Variants in PHF19 observed in about 807,000 individuals in gnomAD.
The protein encoded by PHF19 is PHD finger protein 19.
Under a neutral mutation model 79.8 loss-of-function variants are expected in PHF19, and 21 were observed. The ratio of observed to expected loss-of-function variants is 0.26; its 90% CI spans 0.19 to 0.38. PHF19 has a LOEUF of 0.38. PHF19 is among the 10% of genes least tolerant of loss of function. PHF19 has a pLI of 1.00. For synonymous variants in PHF19, 273 were observed against 296.3 expected (o/e 0.92, Z 0.81); for missense variants, 445 against 744.2 (o/e 0.60, Z 4.68).
intron 1 of PHF19, among the ~76,000 whole-genome samples, chr9:120,883,181 A>AG (rs141125849): frequency 0.023 from 3,533 of 152,308 alleles, 130 homozygotes; most frequent in African/African-American, 0.081. Flanking sequence ...AAATGAGAGA[A>AG]GTCTGCCTGC....
chr9:120,874,436 C>T lies in PHF19; in HGVS notation c.186+120G>A. The T allele has an allele frequency of 1.5e-6, 1 of 684,602 alleles. No individual in the cohort carries two copies. Among genetic ancestry groups the T allele is most frequent in the Non-Finnish European group, 2.5e-6 (1 of 398,686 alleles). The allele number at this position is 684,602 out of a possible 1,614,324, so 42.4% of individuals were successfully genotyped here. On this transcript the variant is annotated intron_variant, in intron 2 of 14. Transcript: ENST00000373896. The surrounding 1 kb of genome is among the most constrained non-coding windows in gnomAD (Gnocchi z 4.5). Reference sequence around the variant, plus strand: ...GGCCCCTCCCACCACCAGCTTTGGGCATGAGGGACAAGAAGGGAATTCTCC... The same window carrying T: ...GGCCCCTCCCACCACCAGCTTTGGGTATGAGGGACAAGAAGGGAATTCTCC...
chr9:120,899,028 A>G (rs7019401), upstream of PHF19, among the ~76,000 whole-genome samples: 104,050 of 151,610 alleles, frequency 0.69, 35,981 homozygotes, highest in South Asian at 0.82. Context: ...GTGAAACCCC[A>G]TCTCTCCTAA....
intron 1 of PHF19, among the ~76,000 whole-genome samples, chr9:120,883,139 T>C (rs993470629): frequency 4.6e-5 from 7 of 152,148 alleles, no homozygotes; most frequent in Non-Finnish European, 1.5e-5. Context: ...GCTGCCAAAC[T>C]ATAAACACCT....
intron 14 of PHF19, among the ~76,000 whole-genome samples, chr9:120,859,844 G>A (rs2045466232): frequency 1.3e-5 from 2 of 152,178 alleles, no homozygotes; most frequent in Non-Finnish European, 2.9e-5. Flanking sequence ...TTCTGCAGCA[G>A]GTGAAGCATT....
intron 1 of PHF19, among the ~76,000 whole-genome samples, chr9:120,886,358 G>T (rs1457288701): frequency 2.6e-5 from 4 of 152,242 alleles, no homozygotes; most frequent in Non-Finnish European, 4.4e-5. Flanking sequence ...GTTATATGTG[G>T]CTGGTGTGGT....
chr9:120,900,055 C>T, the PHF19 span, among the ~76,000 whole-genome samples: 504 of 152,002 alleles, frequency 3.3e-3, 2 homozygotes, highest in South Asian at 0.014. Context: ...GGCACAAGCT[C>T]GGCTCTCTGC....
upstream of PHF19, among the ~76,000 whole-genome samples, chr9:120,881,520 A>C (rs895388641): frequency 5.3e-5 from 8 of 152,166 alleles, no homozygotes; most frequent in African/African-American, 1.9e-4. Flanking sequence ...AAGTATGACC[A>C]AGTGTCAAGA....
chr9:120,900,063 T>G, the PHF19 span, among the ~76,000 whole-genome samples: 1 of 151,958 alleles, frequency 6.6e-6, no homozygotes, highest in Non-Finnish European at 1.5e-5. Flanking sequence ...CTCGGCTCTC[T>G]GCAACCTCCA....
At chr9:120,893,357 C>T (rs1041222405) in intron 1 of PHF19, among the ~76,000 whole-genome samples, 26 of 152,218 alleles carry the variant, frequency 1.7e-4, no homozygotes, top group Non-Finnish European at 2.5e-4. Context: ...CTCTGCTCCC[C>T]TCCACACCAG....
upstream of PHF19, among the ~76,000 whole-genome samples, chr9:120,898,061 G>A (rs7046108): frequency 0.69 from 103,923 of 151,422 alleles, 35,957 homozygotes; most frequent in South Asian, 0.81. Context: ...TTCAGACAGA[G>A]CATCTCAATT....
intron 14 of PHF19, among the ~76,000 whole-genome samples, chr9:120,858,811 T>TCTCACACACACACACA (rs764897588): frequency 2.4e-5 from 3 of 122,802 alleles, no homozygotes; most frequent in African/African-American, 9.2e-5. Flanking sequence ...CTGACAGACA[T>TCTCACACACACACACA]CACACACACA....
In PHF19 at chr9:120,862,415, T is replaced by C. The variant is rs1263956782; in HGVS notation, c.1130+173A>G. Among the ~76,000 whole-genome samples the C allele has an allele frequency of 6.6e-6, 1 of 152,184 alleles. No individual in the cohort carries two copies. The highest frequency in any genetic ancestry group is 1.5e-5 in the Non-Finnish European group (1 of 68,028). On this transcript the variant is annotated intron_variant, in intron 11 of 14. Transcript: ENST00000373896. The surrounding 1 kb of genome is among the most constrained non-coding windows in gnomAD (Gnocchi z 4.6). ...CCTCCTTGCGAGGTAATAAGGGGGC[T>C]GTGGTGGTGAAAGGAGTTGGGGATC...
In PHF19 at chr9:120,860,567, A is replaced by C. The variant is rs1383057237; in HGVS notation, c.1305-382T>G. 1 of 254,140 alleles carries C rather than the reference A, an allele frequency of 3.9e-6. No individual in the cohort carries two copies. Among genetic ancestry groups the C allele is most frequent in the Non-Finnish European group, 7.8e-6 (1 of 127,982 alleles). The allele number at this position is 254,140 out of a possible 1,614,324, so 15.7% of individuals were successfully genotyped here. Reference sequence around the variant, plus strand: ...TAAAACTACATAGCTAGTACTGATAAGCAGGGTCTGGAGTTCAGGTCTGAC... The same window carrying C: ...TAAAACTACATAGCTAGTACTGATACGCAGGGTCTGGAGTTCAGGTCTGAC... On this transcript the variant is annotated intron_variant, in intron 13 of 14. Coordinates refer to ENST00000373896, the MANE Select transcript of PHF19 (RefSeq NM_015651.3). The surrounding 1 kb of genome is among the most constrained non-coding windows in gnomAD (Gnocchi z 4.1).
rs1430174728 is a variant in PHF19, at chr9:120,866,590, C to A, written c.710+280G>T. Among the ~76,000 whole-genome samples the A allele has an allele frequency of 2.0e-5, 3 of 152,240 alleles. No individual in the cohort carries two copies. In the East Asian group the frequency reaches 5.8e-4, roughly 29 times the overall value. The stretch of plus-strand genomic sequence containing the variant: ...TGTGTCATCCCTTCTTCCCCAGACA[C>A]TTAAGAGACTAGGGCATAGGGAAGG... On this transcript the variant is annotated intron_variant, in intron 7 of 14. Coordinates refer to ENST00000373896, the MANE Select transcript of PHF19 (RefSeq NM_015651.3). The surrounding 1 kb of genome is among the most constrained non-coding windows in gnomAD (Gnocchi z 5.2).
At position 120,874,904 on chromosome 9, in the gene PHF19, G is replaced by A. The variant is rs1190109111; in HGVS notation, c.-15-148C>T. The A allele has an allele frequency of 3.3e-6, 2 of 602,748 alleles. No homozygotes were observed. Among genetic ancestry groups the A allele is most frequent in the Admixed American group, 3.0e-5 (1 of 33,832 alleles). The allele number at this position is 602,748 out of a possible 1,614,324, so 37.3% of individuals were successfully genotyped here. A position where few individuals can be genotyped will look rare whatever the true frequency, so the allele number is the denominator to read the frequency against. On this transcript the variant is annotated intron_variant, in intron 1 of 14. Transcript: ENST00000373896. This position sits in a 1 kb window ranked among gnomAD's most constrained non-coding sequence, Gnocchi z 4.5. ...CTGATTCCTCGTGACCATCCTATGA[G>A]GGAGACATTATTATTATTCACATCT...
chr9:120,897,484 T>C (rs2046411879), upstream of PHF19, among the ~76,000 whole-genome samples: 2 of 152,220 alleles, frequency 1.3e-5, no homozygotes, highest in African/African-American at 4.8e-5. Context: ...TGGGGCCTGT[T>C]CCCTGTAGCC....
intron 12 of PHF19, 75 bp from the exon 13 acceptor site, chr9:120,861,249 A>G: frequency 1.1e-6 from 1 of 873,964 alleles, no homozygotes; most frequent in South Asian, 1.3e-5. Flanking sequence ...GCTGCCTCCT[A>G]TCCAGCCAGG....
At chr9:120,861,494 G>A (rs78053605) in intron 12 of PHF19, among the ~76,000 whole-genome samples, 5,568 of 152,242 alleles carry the variant, frequency 0.037, 181 homozygotes, top group Admixed American at 0.085. Flanking sequence ...CTTCTAAACC[G>A]CAAAGTGCTG....
chr9:120,874,148 G>A lies in PHF19; in HGVS notation c.187-88C>T, dbSNP rs749160514. 147 of 731,682 alleles carry A rather than the reference G, an allele frequency of 2.0e-4. No homozygotes were observed. The highest frequency in any genetic ancestry group is 3.1e-4 in the Non-Finnish European group (126 of 409,056). 45.3% of individuals were successfully genotyped at this position (731,682 alleles called of 1,614,324 possible). ...GTCTTCCTCCCCCATTTTTGTCTCCGTATGTTCCAGAAAGCAGGGCTAGAA... is the reference window on the plus strand; with the variant it reads ...GTCTTCCTCCCCCATTTTTGTCTCCATATGTTCCAGAAAGCAGGGCTAGAA... On this transcript the variant is annotated intron_variant, in intron 2 of 14. Transcript: ENST00000373896. This position sits in a 1 kb window ranked among gnomAD's most constrained non-coding sequence, Gnocchi z 4.5.
Sources: gnomAD v4.1 joint callset for allele counts (sites outside exome capture counted in the v4.1 genomes callset) on GRCh38, gnomAD v4.1.1 for gene constraint, Gnocchi (gnomAD v3.1) non-coding constraint, MANE v1.5 for transcripts, NCBI Gene and HGNC (gene_info 2026-07-23, HGNC 2026-07-21) for gene names.